Variants in CEP112 observed in about 807,000 individuals in gnomAD.
CEP112 encodes centrosomal protein 112.
Under a neutral mutation model 153.0 loss-of-function variants are expected in CEP112, and 127 were observed. The observed-to-expected ratio is 0.83, with a 90% CI of 0.72 to 0.96. CEP112 has a LOEUF of 0.96. Ranked by LOEUF, CEP112 falls within the 40% of genes least tolerant of loss-of-function variation. CEP112 has a pLI of 0.00. For missense variants in CEP112, 1,089 were observed against 1,101.2 expected (o/e 0.99, Z 0.16); for synonymous variants, 358 against 374.4 (o/e 0.96, Z 0.51).
intron 18 of CEP112, among the ~76,000 whole-genome samples, chr17:65,935,379 A>G (rs948969996): frequency 6.6e-6 from 1 of 152,228 alleles, no homozygotes; most frequent in East Asian, 1.9e-4. Flanking sequence ...TAGAACATCA[A>G]TAAGGAAACA....
chr17:65,671,693 A>G lies in CEP112; in HGVS notation c.2697+17436T>C, dbSNP rs541365983. On this transcript the variant is annotated intron_variant, in intron 24 of 26. Transcript: ENST00000535342. ...GTATATTTATAGTACTTGTGTGTGT[A>G]TGTGTGTGTGTATTCCTACTATAAT... Among the ~76,000 whole-genome samples the G allele has an allele frequency of 2.4e-3, 360 of 152,196 alleles. 1 individual carries two copies. The highest frequency in any genetic ancestry group is 4.0e-3 in the Non-Finnish European group (275 of 67,994).
At chr17:66,096,488 C>T (rs2068349542) in intron 7 of CEP112, 97 bp downstream of exon 7, 1 of 1,129,730 alleles carries the variant, frequency 8.9e-7, no homozygotes, top group South Asian at 1.4e-5. Context: ...ATTATGTTTC[C>T]TAATGTAGAT....
intron 24 of CEP112, among the ~76,000 whole-genome samples, chr17:65,654,056 C>CAAA (rs773433478): frequency 9.9e-3 from 264 of 26,592 alleles, no homozygotes; most frequent in Non-Finnish European, 0.013. Context: ...AAGACTCCAT[C>CAAA]AAAAAAAAAA....
chr17:65,919,336 C>T lies in CEP112; in HGVS notation c.1980+8246G>A, dbSNP rs1474093969. On this transcript the variant is annotated intron_variant, in intron 19 of 26. Coordinates refer to ENST00000535342, the MANE Select transcript of CEP112 (RefSeq NM_001199165.4). Reference sequence around the variant, plus strand: ...GCCTCAGGAACCCCTGGCACTTGCTCACACTCCCCCGGGGATCACCTTACC... The same window carrying T: ...GCCTCAGGAACCCCTGGCACTTGCTTACACTCCCCCGGGGATCACCTTACC... Among the ~76,000 whole-genome samples, 11 of 152,326 alleles carry T rather than the reference C, an allele frequency of 7.2e-5. No homozygotes were observed. The East Asian group carries it at 1.9e-3, about 27-fold the overall frequency.
chr17:66,118,892 CAAAA>C (rs60819285), intron 6 of CEP112, among the ~76,000 whole-genome samples: 58,728 of 150,588 alleles, frequency 0.39, 12,905 homozygotes, highest in East Asian at 0.87. Context: ...TTCCATCAAA[CAAAA>C]AAAAATCCCT....
At position 66,191,757 on chromosome 17, in the gene CEP112, A is replaced by G. The variant is rs2073171726; in HGVS notation, c.-9+240T>C. On this transcript the variant is annotated intron_variant, in intron 1 of 26. Coordinates refer to ENST00000535342, the MANE Select transcript of CEP112 (RefSeq NM_001199165.4). This position sits in a 1 kb window ranked among gnomAD's most constrained non-coding sequence, Gnocchi z 4.2. ...CAAACCGGCTGATCAAACTTTACTT[A>G]GAACTTTCCCAAGTCGTCCCGGCCT... 6.5e-6 allele frequency: 1 copy of G among 152,714 alleles called. No individual in the cohort carries two copies. The highest frequency in any genetic ancestry group is 1.5e-5 in the Non-Finnish European group (1 of 68,132). The allele number at this position is 152,714 out of a possible 1,614,324, so 9.5% of individuals were successfully genotyped here. A position where few individuals can be genotyped will look rare whatever the true frequency, so the allele number is the denominator to read the frequency against.
chr17:65,637,241 T>A lies in CEP112; in HGVS notation c.2800-53A>T, dbSNP rs187013087. On this transcript the variant is annotated intron_variant, in intron 25 of 26. Transcript: ENST00000535342. ...GGTGGACGTGGCTTACATGTCAATA[T>A]TGTGCAAATAGTATGGTAAGATTTT... 34 of 1,181,242 alleles carry A rather than the reference T, an allele frequency of 2.9e-5. No individual in the cohort carries two copies. The Admixed American group carries it at 4.3e-4, about 15-fold the overall frequency. The allele number at this position is 1,181,242 out of a possible 1,614,324, so 73.2% of individuals were successfully genotyped here. A position where few individuals can be genotyped will look rare whatever the true frequency, so the allele number is the denominator to read the frequency against.
intron 4 of CEP112, among the ~76,000 whole-genome samples, chr17:66,146,380 T>C (rs1359199376): frequency 6.6e-6 from 1 of 152,112 alleles, no homozygotes; most frequent in Non-Finnish European, 1.5e-5. Context: ...TCATCAACAA[T>C]GTCACTGGTA....
chr17:65,860,733 A>G lies in CEP112; in HGVS notation c.2164-8699T>C, dbSNP rs537629584. 5.3e-5 allele frequency among the ~76,000 whole-genome samples: 8 copies of G among 152,358 alleles called. No individual in the cohort carries two copies. The East Asian group carries it at 1.5e-3, about 29-fold the overall frequency. On this transcript the variant is annotated intron_variant, in intron 20 of 26. Coordinates refer to ENST00000535342, the MANE Select transcript of CEP112 (RefSeq NM_001199165.4). Reference sequence around the variant, plus strand: ...CCCCTATCTTACACAATGGACAAAAATAAGTTATTTCCATTTTTAGGTCTA... The same window carrying G: ...CCCCTATCTTACACAATGGACAAAAGTAAGTTATTTCCATTTTTAGGTCTA...
chr17:66,046,187 C>A (rs570112874), intron 12 of CEP112, among the ~76,000 whole-genome samples: 1 of 152,008 alleles, frequency 6.6e-6, no homozygotes, highest in East Asian at 1.9e-4. Context: ...GGACTACAAG[C>A]GCATGCTGCC....
At chr17:66,102,409 A>G (rs1166100484) in intron 6 of CEP112, among the ~76,000 whole-genome samples, 2 of 152,172 alleles carry the variant, frequency 1.3e-5, no homozygotes. Flanking sequence ...TTAAAGGAAA[A>G]TGAACAAAAA....
At position 65,669,730 on chromosome 17, in the gene CEP112, T is replaced by C. The variant is rs190561895; in HGVS notation, c.2697+19399A>G. On this transcript the variant is annotated intron_variant, in intron 24 of 26. Transcript: ENST00000535342. ...CATCCTGGCTAACACGGTGAAACCC[T>C]GTCTCTACTAAAAATACAAAAAATT... Among the ~76,000 whole-genome samples, 431 of 152,096 alleles carry C rather than the reference T, an allele frequency of 2.8e-3. 5 individuals are homozygous for C. Among genetic ancestry groups the C allele is most frequent in the East Asian group, 6.4e-3 (33 of 5,144 alleles).
At chr17:65,671,129 T>C (rs1021358688) in intron 24 of CEP112, among the ~76,000 whole-genome samples, 3 of 151,800 alleles carry the variant, frequency 2.0e-5, no homozygotes, top group African/African-American at 7.3e-5. Flanking sequence ...GTAAAACAAA[T>C]AGTACGCAGC....
intron 23 of CEP112, among the ~76,000 whole-genome samples, chr17:65,723,309 T>C (rs2049998253): frequency 6.6e-6 from 1 of 152,222 alleles, no homozygotes; most frequent in Non-Finnish European, 1.5e-5. Flanking sequence ...TGAAATCAGA[T>C]AAGCCAGCTT....
intron 6 of CEP112, among the ~76,000 whole-genome samples, chr17:66,114,310 CAG>C (rs2069185873): frequency 6.6e-6 from 1 of 151,902 alleles, no homozygotes; most frequent in Non-Finnish European, 1.5e-5. Flanking sequence ...TGTTGATTGT[CAG>C]GGTTTTCTGT....
At chr17:66,131,335 T>C (rs2070153430) in intron 5 of CEP112, among the ~76,000 whole-genome samples, 1 of 152,234 alleles carries the variant, frequency 6.6e-6, no homozygotes, top group South Asian at 2.1e-4. Flanking sequence ...TGAGTAAATA[T>C]AATGATTGTA....
intron 21 of CEP112, among the ~76,000 whole-genome samples, chr17:65,822,362 A>C (rs2056635075): frequency 6.6e-6 from 1 of 152,200 alleles, no homozygotes; most frequent in Admixed American, 6.5e-5. Flanking sequence ...AAAGATACTC[A>C]GCACCTTTAA....
At chr17:65,936,044 T>C (rs1200937084) in intron 18 of CEP112, among the ~76,000 whole-genome samples, 1 of 151,838 alleles carries the variant, frequency 6.6e-6, no homozygotes, top group Non-Finnish European at 1.5e-5. Context: ...ATAAATAATA[T>C]CAGAAATGAA....
chr17:65,817,328 C>T (rs2056324685), intron 21 of CEP112, among the ~76,000 whole-genome samples: 1 of 151,832 alleles, frequency 6.6e-6, no homozygotes, highest in South Asian at 2.1e-4. Context: ...AATCAAAGTA[C>T]TGTCTAGTTA....
Sources: allele counts gnomAD v4.1 joint callset (sites outside exome capture counted in the v4.1 genomes callset), GRCh38; gene constraint gnomAD v4.1.1; non-coding constraint Gnocchi (gnomAD v3.1); transcripts MANE v1.5; gene names NCBI Gene and HGNC (gene_info 2026-07-23, HGNC 2026-07-21).